The following FARS2 variants were observed in gnomAD, a reference collection of about 807,000 sequenced individuals.
FARS2 encodes phenylalanyl-tRNA synthetase 2, mitochondrial, also known as phenylalanine--tRNA ligase, mitochondrial.
FARS2 carries 40 observed loss-of-function variants against 46.4 expected under a neutral mutation model. The observed-to-expected ratio is 0.86, with a 90% CI of 0.67 to 1.12. FARS2 has a LOEUF of 1.12. Ranked by LOEUF, FARS2 falls within the 50% of genes most tolerant of loss-of-function variation. The pLI, the probability that FARS2 is intolerant of heterozygous loss-of-function variation, is 0.00. For synonymous variants in FARS2, 234 were observed against 214.9 expected, an observed-to-expected ratio of 1.09 and a Z score of -0.78; for missense variants, 513 against 567.9, an observed-to-expected ratio of 0.90 and a Z score of 0.98.
chr6:5,466,404 A>G (rs1765517175), intron 4 of FARS2, among the ~76,000 whole-genome samples: 1 of 152,074 alleles, frequency 6.6e-6, no homozygotes, highest in South Asian at 2.1e-4. Flanking sequence ...TGTTGCCCCC[A>G]CTAGATGCTG....
At chr6:5,614,688 C>T (rs1038130011) in intron 6 of FARS2, among the ~76,000 whole-genome samples, 5 of 152,176 alleles carry the variant, frequency 3.3e-5, no homozygotes, top group African/African-American at 4.8e-5. Flanking sequence ...CGTGAGCCAT[C>T]GCGCTGGGCT....
chr6:5,543,502 T>C (rs1380627438), intron 4 of FARS2, among the ~76,000 whole-genome samples: 2 of 151,842 alleles, frequency 1.3e-5, no homozygotes, highest in Non-Finnish European at 2.9e-5. Context: ...GTAGCTGGGA[T>C]TACAGGCACA....
At chr6:5,279,872 T>G (rs1766603774) in intron 1 of FARS2, among the ~76,000 whole-genome samples, 1 of 152,202 alleles carries the variant, frequency 6.6e-6, no homozygotes, top group South Asian at 2.1e-4. Flanking sequence ...CCGTTATACT[T>G]AAGTCTGCTG....
intron 6 of FARS2, among the ~76,000 whole-genome samples, chr6:5,663,882 G>A (rs1046134080): frequency 1.3e-5 from 2 of 152,184 alleles, no homozygotes; most frequent in Non-Finnish European, 2.9e-5. Context: ...ACTACTGTGC[G>A]CACCTGGGCT....
intron 3 of FARS2, among the ~76,000 whole-genome samples, chr6:5,416,655 A>G (rs1762256440): frequency 6.6e-6 from 1 of 151,822 alleles, no homozygotes; most frequent in South Asian, 2.1e-4. Context: ...TGAAATGATC[A>G]TTTTGCTATT....
chr6:5,388,688 A>C (rs1452778893), intron 2 of FARS2, among the ~76,000 whole-genome samples: 1 of 152,138 alleles, frequency 6.6e-6, no homozygotes, highest in Non-Finnish European at 1.5e-5. Flanking sequence ...TTACAAAATC[A>C]TTCATGAGTG....
At chr6:5,454,197 A>ATTTTTT (rs34688392) in intron 4 of FARS2, among the ~76,000 whole-genome samples, 2 of 144,078 alleles carry the variant, frequency 1.4e-5, no homozygotes, top group Non-Finnish European at 1.5e-5. Flanking sequence ...TTCTCCCTCC[A>ATTTTTT]TTTTTTTTTT....
intron 5 of FARS2, among the ~76,000 whole-genome samples, chr6:5,564,089 GTAA>G (rs1248058088): frequency 6.6e-6 from 1 of 152,134 alleles, no homozygotes; most frequent in Non-Finnish European, 1.5e-5. Context: ...TGCTGTAAGG[GTAA>G]TAATTAAGCA....
At chr6:5,539,445 G>A (rs944298707) in intron 4 of FARS2, among the ~76,000 whole-genome samples, 2 of 143,928 alleles carry the variant, frequency 1.4e-5, no homozygotes, top group Non-Finnish European at 3.0e-5. Flanking sequence ...TGTTAGCCAG[G>A]ATGGTTTCAA....
At chr6:5,272,698 A>G (rs1454461507) in intron 1 of FARS2, among the ~76,000 whole-genome samples, 1 of 152,206 alleles carries the variant, frequency 6.6e-6, no homozygotes, top group African/African-American at 2.4e-5. Flanking sequence ...ATTTTGAAAT[A>G]TGCGATAGAT....
chr6:5,633,774 C>T (rs1776412414), intron 6 of FARS2, among the ~76,000 whole-genome samples: 2 of 152,038 alleles, frequency 1.3e-5, no homozygotes, highest in South Asian at 4.1e-4. Context: ...AAAATATTTT[C>T]CTATATTTGT....
At chr6:5,631,236 A>T (rs996197850) in intron 6 of FARS2, among the ~76,000 whole-genome samples, 26 of 152,240 alleles carry the variant, frequency 1.7e-4, no homozygotes, top group Admixed American at 1.7e-3. Flanking sequence ...ATGAATACCT[A>T]TGCATTGAAC....
At chr6:5,521,928 A>G (rs574573817) in intron 4 of FARS2, among the ~76,000 whole-genome samples, 2 of 152,284 alleles carry the variant, frequency 1.3e-5, no homozygotes, top group East Asian at 3.9e-4. Context: ...AGTGAGCAAA[A>G]TTATTTTTAT....
At chr6:5,600,297 G>A (rs1292826599) in intron 5 of FARS2, among the ~76,000 whole-genome samples, 2 of 152,098 alleles carry the variant, frequency 1.3e-5, no homozygotes, top group Non-Finnish European at 2.9e-5. Context: ...CAATTTAGAG[G>A]GATGTTTAGA....
rs535507357 is a variant in FARS2, at chr6:5,310,594, A to C, written c.-22+48934A>C. Among the ~76,000 whole-genome samples, 8 of 152,312 alleles carry C rather than the reference A, an allele frequency of 5.3e-5. No individual in the cohort carries two copies. The East Asian group carries it at 1.5e-3, about 29-fold the overall frequency. On this transcript the variant is annotated intron_variant, in intron 1 of 6. Transcript: ENST00000274680. ...TGTGTGCGTGTGAATTGGTAGTTTA[A>C]GAAAAAAAATACAAATGCTAAAAAC... is the stretch of plus-strand genomic sequence containing the variant.
chr6:5,504,799 A>G (rs1196179888), intron 4 of FARS2, among the ~76,000 whole-genome samples: 1 of 152,178 alleles, frequency 6.6e-6, no homozygotes, highest in Non-Finnish European at 1.5e-5. Flanking sequence ...TAAAGTTTTT[A>G]TATTTTGCCT....
intron 5 of FARS2, among the ~76,000 whole-genome samples, chr6:5,607,473 G>T (rs557590105): frequency 6.6e-6 from 1 of 152,140 alleles, no homozygotes; most frequent in South Asian, 2.1e-4. Flanking sequence ...AAACACAAAT[G>T]AAGATGGTAT....
chr6:5,301,714 C>A (rs1196607017), intron 1 of FARS2, among the ~76,000 whole-genome samples: 1 of 151,614 alleles, frequency 6.6e-6, no homozygotes, highest in Non-Finnish European at 1.5e-5. Context: ...TAATATCAAA[C>A]AATTTTTTTT....
intron 2 of FARS2, among the ~76,000 whole-genome samples, chr6:5,380,269 C>T (rs1759669296): frequency 6.6e-6 from 1 of 152,142 alleles, no homozygotes; most frequent in South Asian, 2.1e-4. Context: ...TCTCTAAGAT[C>T]TCAGGAAAAT....
Sources: gnomAD v4.1 joint callset for allele counts (sites outside exome capture counted in the v4.1 genomes callset) on GRCh38, gnomAD v4.1.1 for gene constraint, MANE v1.5 for transcripts, NCBI Gene and HGNC (gene_info 2026-07-23, HGNC 2026-07-21) for gene names.